Variants in PCDH20 observed in about 807,000 individuals in gnomAD.
The protein encoded by PCDH20 is protocadherin 20.
In PCDH20, 18 loss-of-function variants were observed where a neutral mutation model predicts 39.7. The ratio of observed to expected loss-of-function variants is 0.45; its 90% confidence interval spans 0.31 to 0.67. PCDH20 has a LOEUF of 0.67. PCDH20 is among the 30% of genes least tolerant of loss of function. The pLI, the probability that PCDH20 is intolerant of heterozygous loss-of-function variation, is 0.05. For synonymous variants in PCDH20, 495 were observed against 455.4 expected (o/e 1.09, Z -1.11); for missense variants, 1,161 against 1,167.4 (o/e 0.99, Z 0.08).
At chr13:61,413,199 A>G in exon 2 of PCDH20, 2 of 1,614,140 alleles carry the variant, frequency 1.2e-6, no homozygotes, top group East Asian at 4.5e-5. Flanking sequence ...CACTGCCCAA[A>G]AGTGGTGGAG....
exon 2 of PCDH20, chr13:61,413,329 G>A: frequency 1.2e-6 from 2 of 1,614,058 alleles, no homozygotes; most frequent in South Asian, 2.2e-5. Flanking sequence ...CACGTCCAGG[G>A]TGAACATACC....
chr13:61,411,989 G>C (rs1205211794), exon 2 of PCDH20: 1 of 1,613,980 alleles, frequency 6.2e-7, no homozygotes, highest in African/African-American at 1.3e-5. Flanking sequence ...GAGCTTTGCT[G>C]CTCTCTGTCC....
At chr13:61,411,811 G>A (rs143598521) in exon 2 of PCDH20, 78 of 1,614,094 alleles carry the variant, frequency 4.8e-5, no homozygotes, top group African/African-American at 3.6e-4. Flanking sequence ...TTCTGTAACC[G>A]GGGAGCCTGG....
exon 2 of PCDH20, chr13:61,413,443 G>C: frequency 6.2e-7 from 1 of 1,613,748 alleles, no homozygotes; most frequent in Non-Finnish European, 8.5e-7. Flanking sequence ...TGCATTTTCC[G>C]GGACCCACAC....
chr13:61,411,263 T>C (rs1878238587), exon 2 of PCDH20: 2 of 1,612,218 alleles, frequency 1.2e-6, no homozygotes, highest in Non-Finnish European at 1.7e-6. Context: ...GAAATATCCA[T>C]TGGCTTTCTC....
Position 61,412,388 on chromosome 13 carries a change from A to T in PCDH20, c.1711T>A (p.Ser571Thr), listed in dbSNP as rs199597053. Residue 571 changes from serine (S) to threonine (T), a missense_variant, in exon 2 of 2, where the codon TCA (serine) becomes ACA (threonine). By Grantham distance (58) the Ser-to-Thr change is moderately conservative. This residue lies in a region of PCDH20 where 754 missense variants were observed against 777.5 expected (regional missense o/e 0.97). Coordinates refer to ENST00000409204, the Ensembl canonical transcript of PCDH20. ...GGAGCATCAGGTCCCAGAAAATATG[A>T]AACTTGGCCTCTCTCCTCGCTGTCG... The T allele has an allele frequency of 1.3e-4, 211 of 1,614,206 alleles. 1 individual carries two copies. Among genetic ancestry groups the T allele is most frequent in the Non-Finnish European group, 8.5e-6 (10 of 1,180,038 alleles).
At chr13:61,415,004 G>T in intron 1 of PCDH20, 23 bp downstream of exon 1, 1 of 1,398,228 alleles carries the variant, frequency 7.2e-7, no homozygotes, top group Non-Finnish European at 9.4e-7. Context: ...GGGGTCGCGG[G>T]GTTCCTTGAC....
At chr13:61,415,068 G>A (rs1330242934) in exon 1 of PCDH20, 1 of 1,574,420 alleles carries the variant, frequency 6.4e-7, no homozygotes, top group Non-Finnish European at 8.6e-7. Flanking sequence ...GGACGATGTA[G>A]ACGCCCCATA....
chr13:61,415,156 C>A (rs562112932), exon 1 of PCDH20: 1 of 1,438,392 alleles, frequency 7.0e-7, no homozygotes, highest in East Asian at 2.8e-5. Context: ...CTCGGCCGCG[C>A]ATTCCCTGGG....
chr13:61,410,569 G>T (rs1878225268), exon 2 of PCDH20: 1 of 152,486 alleles, frequency 6.6e-6, no homozygotes, highest in Non-Finnish European at 1.5e-5. Flanking sequence ...AGCAATTCGA[G>T]TACACAGAAA....
chr13:61,411,224 G>T (rs753316738), exon 2 of PCDH20: 12 of 1,583,050 alleles, frequency 7.6e-6, no homozygotes, highest in Non-Finnish European at 9.5e-6. Context: ...ATTTCTCTGT[G>T]TTATTCCACC....
chr13:61,411,731 G>A lies in PCDH20; in HGVS notation c.2368C>T (p.Pro790Ser), dbSNP rs370581852. ...TCAATCCTGAAGGACTCAGGCCTAG[G>A]ACCTCTTCTCCCTATGATGCTGTAA... is the stretch of plus-strand genomic sequence containing the variant. The change falls in exon 2 of 2, where the codon CCT (proline) becomes TCT (serine). Residue 790 changes from proline to serine, a missense_variant. By Grantham distance (74) the Pro-to-Ser change is moderately conservative (BLOSUM62 -1). This residue lies in a region of PCDH20 where 754 missense variants were observed against 777.5 expected (regional missense o/e 0.97). Coordinates refer to ENST00000409204, the Ensembl canonical transcript of PCDH20. 32 of 1,614,028 alleles carry A rather than the reference G, an allele frequency of 2.0e-5. No homozygotes were observed. The highest frequency in any genetic ancestry group is 2.4e-5 in the Non-Finnish European group (28 of 1,180,036).
At chr13:61,411,572 C>T in exon 2 of PCDH20, 2 of 1,614,152 alleles carry the variant, frequency 1.2e-6, no homozygotes, top group Non-Finnish European at 1.7e-6. Context: ...GTGTCATTGA[C>T]AAATAGGTTC....
At chr13:61,414,843 C>T (rs1343971591) in intron 1 of PCDH20, among the ~76,000 whole-genome samples, 184 bp downstream of exon 1, 1 of 152,182 alleles carries the variant, frequency 6.6e-6, no homozygotes, top group Non-Finnish European at 1.5e-5. Context: ...TCTCATGACC[C>T]ACGGACTTCC....
chr13:61,413,203 G>C, exon 2 of PCDH20: 1 of 1,614,064 alleles, frequency 6.2e-7, no homozygotes, highest in Non-Finnish European at 8.5e-7. Context: ...GCCCAAAAGT[G>C]GTGGAGACCC....
upstream of PCDH20, chr13:61,415,568 C>A (rs146949590): frequency 5.8e-5 from 9 of 154,430 alleles, no homozygotes; most frequent in African/African-American, 1.7e-4. Flanking sequence ...GAGAGGAAGT[C>A]GGCGCCACAG....
rs79281811 is a variant in PCDH20 at position 61,414,853 on chromosome 13, C to T, written c.132+174G>A. 2.9e-3 allele frequency among the ~76,000 whole-genome samples: 443 copies of T among 152,294 alleles called. 1 individual carries two copies. Among genetic ancestry groups the T allele is most frequent in the Middle Eastern group, 6.8e-3 (2 of 294 alleles). ...CTTCCTCTCATGACCCACGGACTTC[C>T]CTATTCCTTGTTAAAAGGAAGACAC... On this transcript the variant is annotated intron_variant, in intron 1 of 1. Transcript: ENST00000409204.
chr13:61,413,703 G>T, exon 2 of PCDH20: 5 of 1,613,966 alleles, frequency 3.1e-6, no homozygotes, highest in Non-Finnish European at 4.2e-6. Context: ...GGTTGTCTAG[G>T]GTCACGTACT....
exon 2 of PCDH20, chr13:61,413,511 C>A: frequency 1.2e-6 from 2 of 1,613,946 alleles, no homozygotes; most frequent in Non-Finnish European, 1.7e-6. Flanking sequence ...TGATGGCGAT[C>A]TTCACCTTCA....
Sources: allele counts gnomAD v4.1 joint callset (sites outside exome capture counted in the v4.1 genomes callset), GRCh38; gene constraint gnomAD v4.1.1; regional missense constraint gnomAD v4.1.1; transcripts MANE v1.5; gene names NCBI Gene and HGNC (gene_info 2026-07-23, HGNC 2026-07-21).